The following PDE4D variants were observed in gnomAD, a reference collection of about 807,000 sequenced individuals.
PDE4D encodes phosphodiesterase 4D, also known as 3',5'-cyclic-AMP phosphodiesterase 4D.
In PDE4D, 24 loss-of-function variants were observed where a neutral mutation model predicts 87.4. The observed-to-expected ratio is 0.27, with a 90% CI of 0.20 to 0.39. The LOEUF (loss-of-function observed/expected upper bound fraction) is 0.39. Ranked by LOEUF, PDE4D falls within the 10% of genes least tolerant of loss-of-function variation. The pLI is 1.00. For missense variants in PDE4D, 714 were observed against 1,041.0 expected, an observed-to-expected ratio of 0.69 and a Z score of 4.32; for synonymous variants, 384 against 383.2, an observed-to-expected ratio of 1.00 and a Z score of -0.02.
At chr5:60,376,182 C>T (rs1488854919) in intron 1 of PDE4D, among the ~76,000 whole-genome samples, 1 of 152,144 alleles carries the variant, frequency 6.6e-6, no homozygotes, top group Non-Finnish European at 1.5e-5. Flanking sequence ...AATTTATTAT[C>T]TTATAGTTAT....
intron 2 of PDE4D, among the ~76,000 whole-genome samples, chr5:60,093,400 A>T (rs1325424661): frequency 2.0e-5 from 3 of 152,162 alleles, no homozygotes; most frequent in Non-Finnish European, 4.4e-5. Flanking sequence ...TCTGCTTTCC[A>T]CTTGTTCCTA....
At chr5:59,418,784 G>T (rs114786336) in intron 1 of PDE4D, among the ~76,000 whole-genome samples, 7,499 of 152,240 alleles carry the variant, frequency 0.049, 301 homozygotes, top group South Asian at 0.2. Context: ...GAGTAGCTGG[G>T]ATTACAGGTG....
At chr5:59,543,035 T>C (rs2153684698) in intron 1 of PDE4D, among the ~76,000 whole-genome samples, 1 of 152,202 alleles carries the variant, frequency 6.6e-6, no homozygotes, top group South Asian at 2.1e-4. Flanking sequence ...ATAGAAGAGA[T>C]GAGAGTGAAA....
chr5:60,434,747 A>G (rs1744630769), intron 1 of PDE4D, among the ~76,000 whole-genome samples: 1 of 152,096 alleles, frequency 6.6e-6, no homozygotes. Context: ...TCCAGATTTC[A>G]ATGCACCAAC....
intron 3 of PDE4D, among the ~76,000 whole-genome samples, chr5:59,947,352 C>T (rs72753219): frequency 0.23 from 34,551 of 152,062 alleles, 5,048 homozygotes; most frequent in Admixed American, 0.34. Flanking sequence ...TCCTGATTCA[C>T]GGAAACAGGA....
In PDE4D at chr5:60,212,095, G is replaced by A. The variant is rs183772052; in HGVS notation, c.-89-26408C>T. ...TAATTTTTAAATGTACATAGCAGCT[G>A]TTATCATGAATTTTAGAAATTTATT... On this transcript the variant is annotated intron_variant, in intron 1 of 16. Transcript: ENST00000502484. Among the ~76,000 whole-genome samples, 545 of 152,176 alleles carry A rather than the reference G, an allele frequency of 3.6e-3. 2 individuals are homozygous for A. The highest frequency in any genetic ancestry group is 7.1e-3 in the Admixed American group (108 of 15,290).
At chr5:60,491,396 G>C (rs989642284), upstream of PDE4D, 1 of 151,934 alleles carries the variant, frequency 6.6e-6, no homozygotes, top group Non-Finnish European at 1.5e-5. Context: ...GTTGTATTTT[G>C]TTGTTGTTGT....
At chr5:59,988,408 G>T in intron 3 of PDE4D, 1 of 824,982 alleles carries the variant, frequency 1.2e-6, no homozygotes, top group Non-Finnish European at 1.8e-6. Context: ...CAAGCAATGA[G>T]CCACAAAAAC....
chr5:59,521,549 G>A (rs937442873), intron 1 of PDE4D, among the ~76,000 whole-genome samples: 27 of 152,202 alleles, frequency 1.8e-4, no homozygotes, highest in Middle Eastern at 3.4e-3. Context: ...GCCCATCTGT[G>A]CACCATTCTT....
intron 1 of PDE4D, among the ~76,000 whole-genome samples, chr5:60,428,032 T>C (rs1274497086): frequency 6.6e-6 from 1 of 152,082 alleles, no homozygotes; most frequent in Non-Finnish European, 1.5e-5. Context: ...GCCATGATTG[T>C]GCCATTGCAC....
At chr5:60,159,037 T>C (rs1782246707) in intron 2 of PDE4D, among the ~76,000 whole-genome samples, 1 of 152,252 alleles carries the variant, frequency 6.6e-6, no homozygotes, top group Admixed American at 6.5e-5. Flanking sequence ...GAATATTTTC[T>C]TTCTTTATAT....
intron 5 of PDE4D, among the ~76,000 whole-genome samples, chr5:59,052,036 A>T (rs1761634375): frequency 6.6e-6 from 1 of 152,184 alleles, no homozygotes; most frequent in African/African-American, 2.4e-5. Flanking sequence ...TTGCTGTGAA[A>T]TACAAGAACA....
chr5:59,675,982 A>C (rs1280700763), intron 1 of PDE4D, among the ~76,000 whole-genome samples: 1 of 152,136 alleles, frequency 6.6e-6, no homozygotes, highest in Admixed American at 6.6e-5. Flanking sequence ...ATGAGCCACC[A>C]CACTCAACCA....
chr5:59,349,596 T>C (rs112982043), intron 1 of PDE4D, among the ~76,000 whole-genome samples: 1,676 of 152,240 alleles, frequency 0.011, 33 homozygotes, highest in African/African-American at 0.038. Flanking sequence ...GTATAAATTT[T>C]ATAAACTACT....
intron 2 of PDE4D, among the ~76,000 whole-genome samples, chr5:60,058,198 C>T (rs1770993766): frequency 6.6e-6 from 1 of 151,940 alleles, no homozygotes; most frequent in Admixed American, 6.6e-5. Flanking sequence ...TAATCTCACT[C>T]CTGTTTCTTC....
intron 3 of PDE4D, among the ~76,000 whole-genome samples, chr5:59,916,942 C>G (rs994517776): frequency 6.7e-6 from 1 of 149,804 alleles, no homozygotes; most frequent in Admixed American, 6.6e-5. Flanking sequence ...GGTGCACCAC[C>G]ATGCCCGGCT....
intron 1 of PDE4D, among the ~76,000 whole-genome samples, chr5:59,499,419 A>G (rs1807860275): frequency 6.6e-6 from 1 of 151,856 alleles, no homozygotes; most frequent in African/African-American, 2.4e-5. Context: ...AGAAATAACT[A>G]AAATCAGAAC....
At chr5:59,735,234 T>C (rs529260852) in intron 1 of PDE4D, among the ~76,000 whole-genome samples, 1 of 152,324 alleles carries the variant, frequency 6.6e-6, no homozygotes, top group African/African-American at 2.4e-5. Context: ...AAGCTGTGAA[T>C]CTCTGCATAT....
intron 3 of PDE4D, among the ~76,000 whole-genome samples, chr5:59,927,974 G>C (rs1210989290): frequency 6.6e-6 from 1 of 152,086 alleles, no homozygotes; most frequent in Non-Finnish European, 1.5e-5. Flanking sequence ...TTATATGCTT[G>C]GTGTAAAAGT....
Sources: allele counts gnomAD v4.1 joint callset (sites outside exome capture counted in the v4.1 genomes callset), GRCh38; gene constraint gnomAD v4.1.1; transcripts MANE v1.5; gene names NCBI Gene and HGNC (gene_info 2026-07-23, HGNC 2026-07-21).